Variants in PEBP4 observed in about 807,000 individuals in gnomAD.
PEBP4 encodes phosphatidylethanolamine binding protein 4.
PEBP4 carries 22 observed loss-of-function variants against 23.9 expected under a neutral mutation model. The ratio of observed to expected loss-of-function variants is 0.92; its 90% CI spans 0.66 to 1.31. The LOEUF (loss-of-function observed/expected upper bound fraction) is 1.31. PEBP4 is among the 40% of genes most tolerant of loss of function. PEBP4 has a pLI of 0.00. For missense variants in PEBP4, 324 were observed against 281.7 expected (o/e 1.15, Z -1.07); for synonymous variants, 112 against 99.3 (o/e 1.13, Z -0.76).
chr8:22,789,913 T>G (rs1806102471), intron 4 of PEBP4, among the ~76,000 whole-genome samples: 1 of 152,206 alleles, frequency 6.6e-6, no homozygotes, highest in Admixed American at 6.5e-5. Flanking sequence ...CCATGTTGAT[T>G]TGGTAATTCT....
chr8:22,807,875 CCA>C (rs1491048497), intron 4 of PEBP4, among the ~76,000 whole-genome samples: 1 of 83,824 alleles, frequency 1.2e-5, no homozygotes, highest in African/African-American at 5.3e-5. Context: ...CAACCTCTAT[CCA>C]TCCATCCATC....
intron 4 of PEBP4, among the ~76,000 whole-genome samples, chr8:22,781,037 G>A (rs566198763): frequency 5.1e-4 from 77 of 152,346 alleles, no homozygotes; most frequent in African/African-American, 1.7e-3. Context: ...AGCAGCGTCC[G>A]GGTTCAGATC....
chr8:22,760,730 T>C (rs1360433455), intron 4 of PEBP4, among the ~76,000 whole-genome samples: 1 of 152,140 alleles, frequency 6.6e-6, no homozygotes, highest in Non-Finnish European at 1.5e-5. Flanking sequence ...TAGCAAGTGC[T>C]TCAGACATGG....
At chr8:22,904,246 C>G (rs931222448) in intron 3 of PEBP4, among the ~76,000 whole-genome samples, 1 of 152,154 alleles carries the variant, frequency 6.6e-6, no homozygotes, top group African/African-American at 2.4e-5. Context: ...CAGGGCTCTC[C>G]GTACCTGGAA....
intron 3 of PEBP4, among the ~76,000 whole-genome samples, chr8:22,832,570 G>C (rs1807108858): frequency 6.6e-6 from 1 of 152,144 alleles, no homozygotes; most frequent in East Asian, 1.9e-4. Flanking sequence ...TCCTGACGCA[G>C]AGAGAAAATC....
At chr8:22,796,127 T>C (rs1223533499) in intron 4 of PEBP4, among the ~76,000 whole-genome samples, 1 of 152,242 alleles carries the variant, frequency 6.6e-6, no homozygotes, top group African/African-American at 2.4e-5. Flanking sequence ...ATTGCTGTGT[T>C]GGCGGACGCT....
chr8:22,934,324 G>A (rs1267511430), intron 1 of PEBP4, among the ~76,000 whole-genome samples: 2 of 152,182 alleles, frequency 1.3e-5, no homozygotes, highest in African/African-American at 2.4e-5. Flanking sequence ...GCACGGAGCT[G>A]TATAAGTAAA....
intron 3 of PEBP4, among the ~76,000 whole-genome samples, chr8:22,877,185 G>A (rs1808138205): frequency 6.6e-6 from 1 of 152,154 alleles, no homozygotes; most frequent in South Asian, 2.1e-4. Context: ...TCAGGGATAA[G>A]GTGTCCCAGC....
At chr8:22,810,716 G>GAA in intron 4 of PEBP4, among the ~76,000 whole-genome samples, 2 of 145,340 alleles carry the variant, frequency 1.4e-5, no homozygotes, top group South Asian at 2.2e-4. Context: ...GTGTGTGTGA[G>GAA]AGAGAGAGAG....
chr8:22,792,768 G>T (rs1029233112), intron 4 of PEBP4, among the ~76,000 whole-genome samples: 1 of 152,048 alleles, frequency 6.6e-6, no homozygotes, highest in Admixed American at 6.6e-5. Context: ...AAGCTAATCT[G>T]TAATTGCAAG....
At chr8:22,874,379 A>G (rs1237825496) in intron 3 of PEBP4, among the ~76,000 whole-genome samples, 1 of 152,238 alleles carries the variant, frequency 6.6e-6, no homozygotes, top group East Asian at 1.9e-4. Context: ...GCCTCCATGC[A>G]GGGAGAATGA....
At chr8:22,880,358 G>T (rs1182028956) in intron 3 of PEBP4, among the ~76,000 whole-genome samples, 1 of 152,178 alleles carries the variant, frequency 6.6e-6, no homozygotes, top group Non-Finnish European at 1.5e-5. Flanking sequence ...GAAGCTCAAA[G>T]GGCTCTATAA....
At chr8:22,870,085 T>G (rs972977119) in intron 3 of PEBP4, among the ~76,000 whole-genome samples, 1 of 152,116 alleles carries the variant, frequency 6.6e-6, no homozygotes, top group African/African-American at 2.4e-5. Flanking sequence ...AAAACTTAGG[T>G]TTCAAGACAC....
intron 1 of PEBP4, 40 bp downstream of exon 1, chr8:22,927,783 G>A: frequency 1.9e-5 from 31 of 1,597,032 alleles, no homozygotes; most frequent in Non-Finnish European, 2.6e-5. Context: ...CCCACTACCT[G>A]TGCCCCCGAC....
chr8:22,750,194 C>T (rs182019156), intron 4 of PEBP4, among the ~76,000 whole-genome samples: 71 of 150,870 alleles, frequency 4.7e-4, no homozygotes, highest in Admixed American at 3.6e-3. Flanking sequence ...CTCCACCTCG[C>T]GGGTTCAAGC....
intron 3 of PEBP4, among the ~76,000 whole-genome samples, chr8:22,835,727 T>C (rs1330933572): frequency 6.6e-6 from 1 of 152,260 alleles, no homozygotes; most frequent in Non-Finnish European, 1.5e-5. Context: ...GAAAGCGCTA[T>C]GTCCCATGGA....
At chr8:22,868,072 G>T (rs1489270713) in intron 3 of PEBP4, among the ~76,000 whole-genome samples, 1 of 152,196 alleles carries the variant, frequency 6.6e-6, no homozygotes, top group Non-Finnish European at 1.5e-5. Flanking sequence ...TGCCGACAGA[G>T]TTGAAGCCAC....
intron 4 of PEBP4, among the ~76,000 whole-genome samples, chr8:22,802,789 C>G (rs569939515): frequency 6.6e-6 from 1 of 152,104 alleles, no homozygotes; most frequent in African/African-American, 2.4e-5. Context: ...GTGTGTTGTG[C>G]GTACGAACAT....
At chr8:22,840,818 T>C (rs1221945485) in intron 3 of PEBP4, among the ~76,000 whole-genome samples, 4 of 152,330 alleles carry the variant, frequency 2.6e-5, no homozygotes, top group Non-Finnish European at 5.9e-5. Context: ...TGCTGAGTAC[T>C]GTGGCCCAGT....
Sources: gnomAD v4.1 joint callset for allele counts (sites outside exome capture counted in the v4.1 genomes callset) on GRCh38, gnomAD v4.1.1 for gene constraint, MANE v1.5 for transcripts, NCBI Gene and HGNC (gene_info 2026-07-23, HGNC 2026-07-21) for gene names.